The following PCSK2 variants were observed in gnomAD, a reference collection of about 807,000 sequenced individuals.
The protein encoded by PCSK2 is proprotein convertase subtilisin/kexin type 2, also known as neuroendocrine convertase 2.
In PCSK2, 14 loss-of-function variants were observed where a neutral mutation model predicts 69.7. The observed-to-expected ratio is 0.20, with a 90% CI of 0.13 to 0.31. The LOEUF (loss-of-function observed/expected upper bound fraction) is 0.31, where lower values mean the gene tolerates loss of function less well. Among genes scored for constraint, PCSK2 ranks in the 10% least tolerant of loss-of-function variants. The pLI is 1.00. For missense variants in PCSK2, 544 were observed against 842.5 expected (o/e 0.65, Z 4.39); for synonymous variants, 307 against 320.7 (o/e 0.96, Z 0.46).
At chr20:17,380,757 C>T (rs568761902) in intron 5 of PCSK2, among the ~76,000 whole-genome samples, 1 of 152,260 alleles carries the variant, frequency 6.6e-6, no homozygotes, top group Non-Finnish European at 1.5e-5. Context: ...CTCTTAGCCT[C>T]CCCCTCCCTT....
intron 2 of PCSK2, chr20:17,263,044 G>A (rs141939288): frequency 9.6e-5 from 50 of 518,846 alleles, no homozygotes; most frequent in African/African-American, 8.7e-4. Context: ...AGGGTGGTCT[G>A]AGCTGCTATT....
chr20:17,398,450 G>A (rs905798700), intron 5 of PCSK2, among the ~76,000 whole-genome samples: 1 of 150,278 alleles, frequency 6.7e-6, no homozygotes, highest in African/African-American at 2.5e-5. Context: ...CTTGAGCCCA[G>A]GAGTTGGAGG....
intron 2 of PCSK2, among the ~76,000 whole-genome samples, chr20:17,298,249 G>A (rs187683083): frequency 6.6e-6 from 1 of 152,240 alleles, no homozygotes; most frequent in Non-Finnish European, 1.5e-5. Context: ...TTAATTGATA[G>A]AGGTGGGGTT....
intron 2 of PCSK2, among the ~76,000 whole-genome samples, chr20:17,346,379 G>A (rs1309709245): frequency 2.6e-5 from 4 of 152,134 alleles, no homozygotes; most frequent in Admixed American, 2.0e-4. Flanking sequence ...GGAGTGAAGA[G>A]GGACAGAGAC....
intron 7 of PCSK2, among the ~76,000 whole-genome samples, chr20:17,434,325 G>C (rs1013555124): frequency 6.6e-6 from 1 of 151,940 alleles, no homozygotes; most frequent in Non-Finnish European, 1.5e-5. Context: ...AGGGGCAGAG[G>C]AGAGGCCTTC....
intron 1 of PCSK2, among the ~76,000 whole-genome samples, chr20:17,240,547 A>G (rs1039962485): frequency 1.3e-5 from 2 of 152,098 alleles, no homozygotes; most frequent in Non-Finnish European, 2.9e-5. Flanking sequence ...TGTACAGGTG[A>G]CCTCCAGGGT....
At chr20:17,284,208 T>C (rs894729151) in intron 2 of PCSK2, among the ~76,000 whole-genome samples, 6 of 152,182 alleles carry the variant, frequency 3.9e-5, no homozygotes, top group Admixed American at 1.3e-4. Flanking sequence ...AATGGAGAGA[T>C]GGAGGTTTAT....
At chr20:17,444,368 C>G (rs547863205) in intron 8 of PCSK2, among the ~76,000 whole-genome samples, 40 of 152,362 alleles carry the variant, frequency 2.6e-4, no homozygotes, top group African/African-American at 9.4e-4. Flanking sequence ...ACACAAACAT[C>G]ACCTACCTGA....
rs201865268 is a variant in PCSK2, at chr20:17,347,872, A to AAAAGAAAGAAAG, written c.283-10418_283-10407dup. On this transcript the variant is annotated intron_variant, in intron 2 of 11. Coordinates refer to ENST00000262545, the MANE Select transcript of PCSK2 (RefSeq NM_002594.5). ...AGAAAGAAAGAAAGAGGAGAGAGAA[A>AAAAGAAAGAAAG]AAAGAAAGAAAGAAAGAAAGAAAGA... 1.9e-4 allele frequency among the ~76,000 whole-genome samples: 17 copies of AAAAGAAAGAAAG among 88,890 alleles called. No individual in the cohort carries two copies. The East Asian group carries it at 3.1e-3, about 16-fold the overall frequency. The allele number at this position is 88,890 out of a possible 152,430, so 58.3% of individuals were successfully genotyped here.
At chr20:17,436,593 G>A (rs2123350974) in intron 7 of PCSK2, 115 bp from the exon 8 acceptor site, 1 of 819,406 alleles carries the variant, frequency 1.2e-6, no homozygotes, top group Non-Finnish European at 2.0e-6. Context: ...TGGCCCCAGA[G>A]CACCTGAGAT....
chr20:17,232,441 C>T (rs76363032), intron 1 of PCSK2, among the ~76,000 whole-genome samples: 5,982 of 152,294 alleles, frequency 0.039, 387 homozygotes, highest in African/African-American at 0.13. Flanking sequence ...TGAAGTTAAA[C>T]ACCTCTTCAT....
At chr20:17,236,444 T>G (rs2122942084) in intron 1 of PCSK2, among the ~76,000 whole-genome samples, 1 of 152,290 alleles carries the variant, frequency 6.6e-6, no homozygotes, top group South Asian at 2.1e-4. Flanking sequence ...ATTCAACTTT[T>G]GTGAGTTATG....
At chr20:17,382,750 G>T (rs894066500) in intron 5 of PCSK2, among the ~76,000 whole-genome samples, 3 of 152,104 alleles carry the variant, frequency 2.0e-5, no homozygotes, top group Non-Finnish European at 2.9e-5. Context: ...GAACAAAGTA[G>T]TGGAAGCCAT....
chr20:17,265,601 A>G (rs1402847790), intron 2 of PCSK2, among the ~76,000 whole-genome samples: 2 of 152,202 alleles, frequency 1.3e-5, no homozygotes, highest in Non-Finnish European at 2.9e-5. Context: ...TTTATTCTAC[A>G]GGGCATTTGT....
chr20:17,343,322 G>T (rs1990560425), intron 2 of PCSK2, among the ~76,000 whole-genome samples: 1 of 152,224 alleles, frequency 6.6e-6, no homozygotes, highest in Non-Finnish European at 1.5e-5. Flanking sequence ...GGAATTGGAT[G>T]GTTTTAGTAG....
chr20:17,401,744 T>C (rs1328323859), intron 5 of PCSK2, among the ~76,000 whole-genome samples: 1 of 152,200 alleles, frequency 6.6e-6, no homozygotes, highest in Non-Finnish European at 1.5e-5. Context: ...TGAAGATACA[T>C]GTTGATGATA....
intron 4 of PCSK2, among the ~76,000 whole-genome samples, chr20:17,361,363 G>T (rs1364868945): frequency 2.0e-5 from 3 of 152,196 alleles, no homozygotes; most frequent in Non-Finnish European, 2.9e-5. Flanking sequence ...ATTTTCTATA[G>T]TTTGTGATAT....
chr20:17,398,218 T>C (rs2031557013), intron 5 of PCSK2, among the ~76,000 whole-genome samples: 1 of 152,064 alleles, frequency 6.6e-6, no homozygotes, highest in Non-Finnish European at 1.5e-5. Flanking sequence ...CTGCCACCCA[T>C]TTCACAAATA....
intron 2 of PCSK2, among the ~76,000 whole-genome samples, chr20:17,340,459 A>G (rs1182691514): frequency 6.6e-6 from 1 of 152,064 alleles, no homozygotes; most frequent in East Asian, 1.9e-4. Context: ...CTGCTTTCAA[A>G]CCAGATTTAA....
Sources: allele counts gnomAD v4.1 joint callset (sites outside exome capture counted in the v4.1 genomes callset), GRCh38; gene constraint gnomAD v4.1.1; transcripts MANE v1.5; gene names NCBI Gene and HGNC (gene_info 2026-07-23, HGNC 2026-07-21).